The following CTDSPL2 variants were observed in gnomAD, a reference collection of about 807,000 sequenced individuals.
CTDSPL2 encodes the protein CTD small phosphatase like 2.
In CTDSPL2, 5 loss-of-function variants were observed where a neutral mutation model predicts 60.0. The observed-to-expected ratio is 0.08, with a 90% CI of 0.04 to 0.18. The LOEUF (loss-of-function observed/expected upper bound fraction) is 0.18, where lower values mean the gene tolerates loss of function less well. CTDSPL2 is among the 10% of genes least tolerant of loss of function. The probability of loss-of-function intolerance (pLI) is 1.00; values close to 1 mark genes in which losing one functional copy is unlikely to be tolerated. For synonymous variants in CTDSPL2, 186 were observed against 189.3 expected, an observed-to-expected ratio of 0.98 and a Z score of 0.14; for missense variants, 370 against 548.8, an observed-to-expected ratio of 0.67 and a Z score of 3.26.
At chr15:44,472,888 T>A (rs1248243370) in intron 2 of CTDSPL2, among the ~76,000 whole-genome samples, 2 of 152,234 alleles carry the variant, frequency 1.3e-5, no homozygotes, top group African/African-American at 4.8e-5. Context: ...TTTGAATTCC[T>A]GACCTCAGGT....
chr15:44,437,279 G>GT (rs2079997622), intron 1 of CTDSPL2, among the ~76,000 whole-genome samples: 1 of 152,206 alleles, frequency 6.6e-6, no homozygotes, highest in Admixed American at 6.5e-5. Context: ...GGGCACATAA[G>GT]TAAGTTCTAA....
At position 44,499,784 on chromosome 15, in the gene CTDSPL2, C is replaced by A; in HGVS notation, c.940C>A (p.Pro314Thr). The A allele has an allele frequency of 6.2e-7, 1 of 1,607,936 alleles. No homozygotes were observed. The highest frequency in any genetic ancestry group is 8.5e-7 in the Non-Finnish European group (1 of 1,175,608). ...NELEDAALTF[P>T]VLFQDVIYQV... is the part of the protein sequence containing the mutation. Reference sequence around the variant, plus strand: ...GCTAGAAGATGCAGCACTTACTTTTCCAGTCCTTTTCCAAGATGTCATTTA... The same window carrying A: ...GCTAGAAGATGCAGCACTTACTTTTACAGTCCTTTTCCAAGATGTCATTTA... The change falls in exon 8 of 13, where the codon CCA becomes ACA. Residue 314 changes from proline (P) to threonine (T), a missense_variant. Physicochemically the swap from Pro to Thr is conservative, Grantham distance 38 (BLOSUM62 -1). Around this residue, in one of 6 missense-constraint regions of CTDSPL2, gnomAD observed 21 missense variants for 42.1 expected, o/e 0.50. Transcript: ENST00000260327.
At chr15:44,446,998 T>G (rs1301208343) in intron 1 of CTDSPL2, among the ~76,000 whole-genome samples, 1 of 152,120 alleles carries the variant, frequency 6.6e-6, no homozygotes, top group Admixed American at 6.6e-5. Context: ...CGTGAGCCAC[T>G]GCACCCAGCC....
chr15:44,460,579 A>C (rs1323318871), intron 2 of CTDSPL2, among the ~76,000 whole-genome samples: 2 of 152,144 alleles, frequency 1.3e-5, no homozygotes, highest in Non-Finnish European at 2.9e-5. Flanking sequence ...TTACTGGCTG[A>C]CTTGTTCATA....
intron 8 of CTDSPL2, among the ~76,000 whole-genome samples, chr15:44,511,881 A>AG (rs2081572508): frequency 1.3e-5 from 2 of 151,446 alleles, no homozygotes; most frequent in South Asian, 4.2e-4. Context: ...AAAAAAAAAA[A>AG]AAAAAAAAAA....
chr15:44,501,763 G>A (rs1269758023), intron 8 of CTDSPL2, among the ~76,000 whole-genome samples: 1 of 152,150 alleles, frequency 6.6e-6, no homozygotes, highest in Non-Finnish European at 1.5e-5. Flanking sequence ...CCATATCACA[G>A]ACAGAGTTTA....
chr15:44,506,150 C>T (rs2081459172), intron 8 of CTDSPL2, among the ~76,000 whole-genome samples: 1 of 151,160 alleles, frequency 6.6e-6, no homozygotes, highest in Non-Finnish European at 1.5e-5. Flanking sequence ...CTGCCTCAGC[C>T]TCCCGAATAA....
At chr15:44,479,859 T>A (rs1300967780) in intron 2 of CTDSPL2, among the ~76,000 whole-genome samples, 1 of 150,878 alleles carries the variant, frequency 6.6e-6, no homozygotes, top group African/African-American at 2.5e-5. Flanking sequence ...TTGATATCTA[T>A]ACTTTCTTGC....
At chr15:44,448,838 C>T in intron 1 of CTDSPL2, 1 of 373,238 alleles carries the variant, frequency 2.7e-6, no homozygotes, top group South Asian at 2.1e-5. Context: ...AAGGCGGTCT[C>T]ATCCGTCTTT....
At chr15:44,496,077 A>G (rs747287215) in intron 5 of CTDSPL2, among the ~76,000 whole-genome samples, 11 of 152,218 alleles carry the variant, frequency 7.2e-5, no homozygotes, top group Non-Finnish European at 1.3e-4. Flanking sequence ...ACACCATACA[A>G]TTAGAAGATT....
rs1287505081 is a variant in CTDSPL2, at chr15:44,528,013, A to G, written c.*3839A>G. On this transcript the variant is annotated 3_prime_UTR_variant, in exon 13 of 13. Coordinates refer to ENST00000260327, the MANE Select transcript of CTDSPL2 (RefSeq NM_016396.3). The stretch of plus-strand genomic sequence containing the variant: ...CTTATATTTAAATGCTACTTAAGTT[A>G]TTATTGGAATCCAAGTCTCACTAAC... The G allele has an allele frequency of 2.6e-5, 4 of 152,226 alleles. No individual in the cohort carries two copies. Among genetic ancestry groups the G allele is most frequent in the Non-Finnish European group, 5.9e-5 (4 of 68,034 alleles). 9.4% of individuals were successfully genotyped at this position (152,226 alleles called of 1,614,324 possible).
intron 1 of CTDSPL2, among the ~76,000 whole-genome samples, chr15:44,453,704 C>CT (rs2080377441): frequency 6.6e-6 from 1 of 151,768 alleles, no homozygotes; most frequent in South Asian, 2.1e-4. Flanking sequence ...TGATAGTTTG[C>CT]TGAGAATGAT....
intron 1 of CTDSPL2, among the ~76,000 whole-genome samples, chr15:44,442,226 A>G (rs187118169): frequency 1.9e-4 from 29 of 152,208 alleles, no homozygotes; most frequent in African/African-American, 6.7e-4. Flanking sequence ...CGAGGCGGGC[A>G]GATCACCTGA....
intron 2 of CTDSPL2, chr15:44,470,326 G>A (rs1440084483): frequency 1.3e-5 from 2 of 151,890 alleles, no homozygotes; most frequent in African/African-American, 4.8e-5. Flanking sequence ...TATCTCAAGT[G>A]ATATTATTTA....
chr15:44,437,828 A>G (rs1236628373), intron 1 of CTDSPL2, among the ~76,000 whole-genome samples: 1 of 152,232 alleles, frequency 6.6e-6, no homozygotes, highest in Non-Finnish European at 1.5e-5. Flanking sequence ...GTTTGAGGCT[A>G]TAGAGGTGGT....
intron 12 of CTDSPL2, among the ~76,000 whole-genome samples, chr15:44,523,630 A>C (rs932098212): frequency 6.6e-6 from 1 of 152,152 alleles, no homozygotes; most frequent in Admixed American, 6.5e-5. Context: ...GTTCATTTAT[A>C]AATAAACAAA....
intron 10 of CTDSPL2, chr15:44,518,700 G>A (rs2081702883): frequency 6.6e-6 from 1 of 152,422 alleles, no homozygotes; most frequent in African/African-American, 2.4e-5. Context: ...AGGACTGGGA[G>A]CCAGGAGGAT....
At chr15:44,458,342 C>G (rs536051494) in intron 1 of CTDSPL2, among the ~76,000 whole-genome samples, 1 of 152,276 alleles carries the variant, frequency 6.6e-6, no homozygotes, top group Middle Eastern at 3.4e-3. Context: ...AATTAATTGT[C>G]TTACCTATAA....
At chr15:44,473,545 C>T (rs1261031938) in intron 2 of CTDSPL2, among the ~76,000 whole-genome samples, 1 of 150,296 alleles carries the variant, frequency 6.7e-6, no homozygotes, top group African/African-American at 2.5e-5. Context: ...TCCACCCGCC[C>T]CGGCCTCCCA....
Sources: allele counts gnomAD v4.1 joint callset (sites outside exome capture counted in the v4.1 genomes callset), GRCh38; gene constraint gnomAD v4.1.1; regional missense constraint gnomAD v4.1.1; transcripts MANE v1.5; gene names NCBI Gene and HGNC (gene_info 2026-07-23, HGNC 2026-07-21).